NLRP14: variants seen among roughly 807,000 people sequenced by gnomAD.
The protein encoded by NLRP14 is NACHT, LRR and PYD domains-containing protein 14.
A neutral mutation model predicts 94.7 loss-of-function variants in NLRP14; 105 were observed. That is an observed-to-expected ratio of 1.11 (90% CI 0.95 to 1.30). The LOEUF is 1.30. Among genes scored for constraint, NLRP14 ranks in the 50% most tolerant of loss-of-function variants. NLRP14 has a pLI of 0.00. For synonymous variants in NLRP14, 508 were observed against 459.9 expected (o/e 1.10, Z -1.34); for missense variants, 1,362 against 1,254.1 (o/e 1.09, Z -1.30).
Position 7,038,787 on chromosome 11 carries a change from A to T in NLRP14, c.201A>T (p.Pro67=). The T allele has an allele frequency of 6.2e-7, 1 of 1,613,458 alleles. No homozygotes were observed. Among genetic ancestry groups the T allele is most frequent in the Non-Finnish European group, 8.5e-7 (1 of 1,179,848 alleles). The change falls in exon 2 of 12, where the codon CCA becomes CCT. Residue 67 remains proline, a synonymous_variant. Coordinates refer to ENST00000299481, the MANE Select transcript of NLRP14 (RefSeq NM_176822.4). ...CCAATTTGATGAAGAAATATTATCCAGGAGAGAAAGCCTGGAGTGTGTCTC... is the reference window on the plus strand; with the variant it reads ...CCAATTTGATGAAGAAATATTATCCTGGAGAGAAAGCCTGGAGTGTGTCTC... The part of the protein sequence containing the change: ...DLANLMKKYY[P]GEKAWSVSLK...
rs2119620231 is a variant in NLRP14 at position 7,043,391 on chromosome 11, T to G, written c.1365T>G (p.Ser455=). The G allele has an allele frequency of 6.2e-7, 1 of 1,614,138 alleles. No homozygotes were observed. The highest frequency in any genetic ancestry group is 1.1e-5 in the South Asian group (1 of 91,084). The stretch of plus-strand genomic sequence containing the variant: ...TCAGAAGGCTTGGGTTAACTCAATC[T>G]GATGTCTCTAGTTTTATGGACAGCA... ...ENLRRLGLTQ[S]DVSSFMDSNI... is the part of the protein sequence containing the mutation. Residue 455 remains serine (S), a synonymous_variant, in exon 4 of 12, where the codon TCT becomes TCG. Transcript: ENST00000299481.
the NLRP14 span, among the ~76,000 whole-genome samples, chr11:7,083,387 C>G: frequency 3.3e-5 from 5 of 152,218 alleles, no homozygotes; most frequent in African/African-American, 1.2e-4. Context: ...GTTCCTCGGT[C>G]TGATGAAATG....
chr11:7,072,942 A>T (rs1351415515), downstream of NLRP14, among the ~76,000 whole-genome samples: 1 of 152,020 alleles, frequency 6.6e-6, no homozygotes, highest in Non-Finnish European at 1.5e-5. Flanking sequence ...TGTCCTGTTC[A>T]TTATCTCAGA....
the NLRP14 span, chr11:7,089,064 G>T: frequency 6.4e-7 from 1 of 1,572,974 alleles, no homozygotes; most frequent in East Asian, 2.3e-5. Flanking sequence ...CGAAGGCTGC[G>T]ACTGGCGCCG....
At chr11:7,046,899 A>C (rs1348644426) in intron 5 of NLRP14, 67 bp downstream of exon 5, 2 of 1,211,374 alleles carry the variant, frequency 1.7e-6, no homozygotes, top group Non-Finnish European at 2.5e-6. Context: ...TCTTCCACTC[A>C]TACTCGTTAG....
At chr11:7,024,601 C>A (rs1313044826) in intron 1 of NLRP14, among the ~76,000 whole-genome samples, 2 of 152,124 alleles carry the variant, frequency 1.3e-5, no homozygotes, top group Non-Finnish European at 2.9e-5. Context: ...GTATTGTGGA[C>A]CTCCTTTCTT....
downstream of NLRP14, among the ~76,000 whole-genome samples, chr11:7,075,430 A>G (rs183562385): frequency 2.3e-4 from 35 of 152,322 alleles, no homozygotes; most frequent in Admixed American, 1.8e-3. Flanking sequence ...AGAAAAACCA[A>G]TTATCTCAAT....
the NLRP14 span, among the ~76,000 whole-genome samples, chr11:7,078,513 G>C: frequency 6.6e-6 from 1 of 151,260 alleles, no homozygotes. Context: ...TAGAGGGCTG[G>C]GCATGGTGGC....
chr11:7,071,414 T>C lies in NLRP14; in HGVS notation c.*106T>C. On this transcript the variant is annotated 3_prime_UTR_variant, in exon 12 of 12. Coordinates refer to ENST00000299481, the MANE Select transcript of NLRP14 (RefSeq NM_176822.4). ...GCTTCAGATACTCTATGCCCAGAGA[T>C]AGTGCACTTGGCAGCTGTCAGATAC... 1.1e-6 allele frequency: 1 copy of C among 879,750 alleles called. No individual in the cohort carries two copies. Among genetic ancestry groups the C allele is most frequent in the Middle Eastern group, 3.3e-4 (1 of 3,002 alleles). The allele number at this position is 879,750 out of a possible 1,614,324, so 54.5% of individuals were successfully genotyped here. A position where few individuals can be genotyped will look rare whatever the true frequency, so the allele number is the denominator to read the frequency against.
At chr11:7,050,947 C>A (rs566080734) in intron 6 of NLRP14, among the ~76,000 whole-genome samples, 1 of 152,224 alleles carries the variant, frequency 6.6e-6, no homozygotes, top group South Asian at 2.1e-4. Context: ...TAGCAAAAAG[C>A]TGTTAAATTG....
chr11:7,089,713 C>T, the NLRP14 span: 65 of 1,526,030 alleles, frequency 4.3e-5, 1 homozygote, highest in Non-Finnish European at 5.3e-5. Flanking sequence ...CGCCGGGAGC[C>T]GCTGCCCCCG....
At chr11:7,087,227 C>A in the NLRP14 span, among the ~76,000 whole-genome samples, 1 of 152,236 alleles carries the variant, frequency 6.6e-6, no homozygotes, top group Admixed American at 6.5e-5. Flanking sequence ...CCCCCCACTT[C>A]AAGAGATATC....
At chr11:7,080,725 ATATT>A in the NLRP14 span, among the ~76,000 whole-genome samples, 4 of 152,238 alleles carry the variant, frequency 2.6e-5, no homozygotes, top group Non-Finnish European at 5.9e-5. Flanking sequence ...AAGCAAAATA[ATATT>A]TATCACCAAG....
chr11:7,031,211 C>T (rs928598044), intron 1 of NLRP14, among the ~76,000 whole-genome samples: 24 of 152,196 alleles, frequency 1.6e-4, no homozygotes, highest in African/African-American at 5.3e-4. Context: ...GCCACCGACG[C>T]CTGGTGAGAC....
At chr11:7,071,652 C>A, downstream of NLRP14, among the ~76,000 whole-genome samples, 1 of 149,070 alleles carries the variant, frequency 6.7e-6, no homozygotes, top group Non-Finnish European at 1.5e-5. Flanking sequence ...CTTCCACTGA[C>A]ATGGCTTAGT....
chr11:7,023,833 A>C (rs1851978670), intron 1 of NLRP14, among the ~76,000 whole-genome samples: 1 of 152,030 alleles, frequency 6.6e-6, no homozygotes, highest in Non-Finnish European at 1.5e-5. Context: ...AGAAGCAGCG[A>C]GAGAGGGAGA....
chr11:7,046,265 T>C (rs1337454688), intron 4 of NLRP14, among the ~76,000 whole-genome samples: 3 of 152,200 alleles, frequency 2.0e-5, no homozygotes, highest in Non-Finnish European at 1.5e-5. Context: ...CTCAGGCCTG[T>C]GGTTTTTAAT....
intron 2 of NLRP14, among the ~76,000 whole-genome samples, chr11:7,039,418 A>T (rs138831364): frequency 1.5e-3 from 230 of 152,140 alleles, no homozygotes; most frequent in African/African-American, 5.2e-3. Context: ...ACCTCACCGT[A>T]TCGTAGTGAA....
the NLRP14 span, among the ~76,000 whole-genome samples, chr11:7,080,151 C>T: frequency 2.1e-3 from 317 of 152,256 alleles, no homozygotes; most frequent in African/African-American, 7.3e-3. Flanking sequence ...AACTTGGCAA[C>T]TGTTTAGGTA....
Sources: gnomAD v4.1 joint callset for allele counts (sites outside exome capture counted in the v4.1 genomes callset) on GRCh38, gnomAD v4.1.1 for gene constraint, MANE v1.5 for transcripts, NCBI Gene and HGNC (gene_info 2026-07-23, HGNC 2026-07-21) for gene names.